The following DGLUCY variants were observed in gnomAD, a reference collection of about 807,000 sequenced individuals.
DGLUCY encodes D-glutamate cyclase, mitochondrial.
Under a neutral mutation model 58.5 loss-of-function variants are expected in DGLUCY, and 58 were observed. That is an observed-to-expected ratio of 0.99 (90% confidence interval 0.80 to 1.23). DGLUCY has a LOEUF of 1.23. Among genes scored for constraint, DGLUCY ranks in the 50% most tolerant of loss-of-function variants. The pLI is 0.00. For synonymous variants in DGLUCY, 325 were observed against 314.1 expected (o/e 1.03, Z -0.37); for missense variants, 779 against 784.7 (o/e 0.99, Z 0.09).
chr14:91,153,186 C>CTTAT (rs1167985067), intron 1 of DGLUCY, among the ~76,000 whole-genome samples: 1 of 152,096 alleles, frequency 6.6e-6, no homozygotes, highest in African/African-American at 2.4e-5. Flanking sequence ...GCTTTATTTA[C>CTTAT]TTATTTATTT....
chr14:91,085,593 G>A (rs916024697), intron 1 of DGLUCY, among the ~76,000 whole-genome samples: 14 of 147,858 alleles, frequency 9.5e-5, no homozygotes, highest in African/African-American at 1.3e-4. Flanking sequence ...TGTGTGTGAC[G>A]GAGTCTCACT....
At chr14:91,153,739 C>T (rs79949718) in intron 1 of DGLUCY, among the ~76,000 whole-genome samples, 6,205 of 152,280 alleles carry the variant, frequency 0.041, 177 homozygotes, top group Middle Eastern at 0.082. Flanking sequence ...CAGCCTCTCC[C>T]CTGCAAGGTT....
At chr14:91,193,139 G>A (rs1275395535) in intron 9 of DGLUCY, among the ~76,000 whole-genome samples, 1 of 152,230 alleles carries the variant, frequency 6.6e-6, no homozygotes, top group East Asian at 1.9e-4. Flanking sequence ...AGAACAGCCA[G>A]CGAGGGAGAC....
intron 1 of DGLUCY, among the ~76,000 whole-genome samples, chr14:91,135,802 ATTTATTGAGATAGTATCTT>A (rs1371655576): frequency 8.0e-5 from 12 of 150,940 alleles, no homozygotes; most frequent in African/African-American, 2.9e-4. Flanking sequence ...TTTTTTCTGC[ATTTATTGAGATAGTATCTT>A]TTTGCCTTTA....
At chr14:91,203,677 GTT>G (rs142610008) in intron 11 of DGLUCY, among the ~76,000 whole-genome samples, 23,262 of 144,922 alleles carry the variant, frequency 0.16, 2,691 homozygotes, top group African/African-American at 0.32. Context: ...TTTTTTGTGT[GTT>G]TTTTTTTTTT....
At chr14:91,122,341 TG>T (rs1315318648) in intron 1 of DGLUCY, among the ~76,000 whole-genome samples, 1 of 151,912 alleles carries the variant, frequency 6.6e-6, no homozygotes, top group Non-Finnish European at 1.5e-5. Context: ...TTTGTAGAGA[TG>T]GGGTTCCACT....
intron 1 of DGLUCY, among the ~76,000 whole-genome samples, chr14:91,157,167 A>ATGGATAGATGGATGGATGGG (rs1250475660): frequency 6.9e-6 from 1 of 143,950 alleles, no homozygotes; most frequent in Non-Finnish European, 1.5e-5. Flanking sequence ...GAATGGGTGG[A>ATGGATAGATGGATGGATGGG]TGGATAGATG....
At chr14:91,103,989 C>G (rs12586538), upstream of DGLUCY, among the ~76,000 whole-genome samples, 1 of 151,678 alleles carries the variant, frequency 6.6e-6, no homozygotes. Context: ...GCCCACCACT[C>G]TGCAGAGCAG....
At chr14:91,214,515 G>A (rs763501790) in intron 12 of DGLUCY, among the ~76,000 whole-genome samples, 7 of 152,258 alleles carry the variant, frequency 4.6e-5, no homozygotes, top group Non-Finnish European at 8.8e-5. Flanking sequence ...CTCTGAGGGT[G>A]GGCTTCCACG....
chr14:91,158,331 T>A (rs931468233), intron 2 of DGLUCY, among the ~76,000 whole-genome samples: 1 of 152,152 alleles, frequency 6.6e-6, no homozygotes, highest in Non-Finnish European at 1.5e-5. Context: ...CCCCTCCCAC[T>A]AGCCTGCGGG....
chr14:91,066,023 C>G (rs1328325040), intron 1 of DGLUCY, among the ~76,000 whole-genome samples: 1 of 152,220 alleles, frequency 6.6e-6, no homozygotes, highest in African/African-American at 2.4e-5. Flanking sequence ...GGTCAGATTT[C>G]TGCTATGGCC....
intron 1 of DGLUCY, among the ~76,000 whole-genome samples, chr14:91,078,364 C>A (rs373766345): frequency 2.0e-5 from 3 of 152,176 alleles, no homozygotes; most frequent in Non-Finnish European, 2.9e-5. Flanking sequence ...GATTTAATAA[C>A]CTTGGCCTAC....
chr14:91,157,119 G>GTGGGTGGA (rs1555398773), intron 1 of DGLUCY, among the ~76,000 whole-genome samples: 15 of 131,056 alleles, frequency 1.1e-4, no homozygotes, highest in South Asian at 5.3e-4. Flanking sequence ...GGATGGATGG[G>GTGGGTGGA]TGGATGGATG....
chr14:91,060,344 C>G, exon 1 of DGLUCY: 1 of 1,420,620 alleles, frequency 7.0e-7, no homozygotes, highest in Non-Finnish European at 9.3e-7. Flanking sequence ...GTCCGCAGCT[C>G]GTGCTTGACA....
intron 1 of DGLUCY, among the ~76,000 whole-genome samples, chr14:91,098,828 A>G (rs554379716): frequency 6.6e-6 from 1 of 152,376 alleles, no homozygotes; most frequent in African/African-American, 2.4e-5. Flanking sequence ...GTACATATTT[A>G]TGGAATGAGA....
chr14:91,173,054 G>A (rs2048659545), intron 5 of DGLUCY, among the ~76,000 whole-genome samples: 1 of 152,184 alleles, frequency 6.6e-6, no homozygotes, highest in Non-Finnish European at 1.5e-5. Context: ...GGGGTCCACA[G>A]CTGTACTAGT....
chr14:91,188,184 T>C (rs1221188479), intron 8 of DGLUCY, among the ~76,000 whole-genome samples: 1 of 152,132 alleles, frequency 6.6e-6, no homozygotes, highest in Non-Finnish European at 1.5e-5. Context: ...ACCCTGCAGG[T>C]CTGCCGTTAC....
chr14:91,213,546 A>G (rs72699652), intron 12 of DGLUCY, among the ~76,000 whole-genome samples: 10,496 of 152,300 alleles, frequency 0.069, 480 homozygotes, highest in South Asian at 0.15. Context: ...TATAAGATAC[A>G]TCTCAATTTC....
At chr14:91,088,505 A>AG (rs2044258247) in intron 1 of DGLUCY, among the ~76,000 whole-genome samples, 1 of 152,186 alleles carries the variant, frequency 6.6e-6, no homozygotes, top group Non-Finnish European at 1.5e-5. Context: ...AGTCCCCCTC[A>AG]GTGTCTTGTT....
Sources: gnomAD v4.1 joint callset for allele counts (sites outside exome capture counted in the v4.1 genomes callset) on GRCh38, gnomAD v4.1.1 for gene constraint, MANE v1.5 for transcripts, NCBI Gene and HGNC (gene_info 2026-07-23, HGNC 2026-07-21) for gene names.